CTDSPL2: variants seen among roughly 807,000 people sequenced by gnomAD.
CTDSPL2 encodes the protein CTD small phosphatase-like protein 2.
In CTDSPL2, 5 loss-of-function variants were observed where a neutral mutation model predicts 60.0. The ratio of observed to expected loss-of-function variants is 0.08; its 90% CI spans 0.04 to 0.18. CTDSPL2 has a LOEUF of 0.18. CTDSPL2 is among the 10% of genes least tolerant of loss of function. The probability of loss-of-function intolerance (pLI) is 1.00; values close to 1 mark genes in which losing one functional copy is unlikely to be tolerated. For missense variants in CTDSPL2, 370 were observed against 548.8 expected, an observed-to-expected ratio of 0.67 and a Z score of 3.26; for synonymous variants, 186 against 189.3, an observed-to-expected ratio of 0.98 and a Z score of 0.14.
chr15:44,468,727 T>C lies in CTDSPL2; in HGVS notation c.186+9527T>C, dbSNP rs1435938413. On this transcript the variant is annotated intron_variant, in intron 2 of 12. Coordinates refer to ENST00000260327, the MANE Select transcript of CTDSPL2 (RefSeq NM_016396.3). ...ATGGCTTTGGACACGGGTACAGTAGTTCCCCCCTATCTTTGGTTTTGTGTT... is the reference window on the plus strand; with the variant it reads ...ATGGCTTTGGACACGGGTACAGTAGCTCCCCCCTATCTTTGGTTTTGTGTT... Among the ~76,000 whole-genome samples, 4 of 152,298 alleles carry C rather than the reference T, an allele frequency of 2.6e-5. No individual in the cohort carries two copies. In the South Asian group the frequency reaches 6.2e-4, roughly 24 times the overall value.
intron 1 of CTDSPL2, among the ~76,000 whole-genome samples, chr15:44,454,664 G>A (rs983280181): frequency 6.6e-6 from 1 of 152,014 alleles, no homozygotes; most frequent in Non-Finnish European, 1.5e-5. Flanking sequence ...GTTTTCCCAG[G>A]ACCGTTTATT....
intron 1 of CTDSPL2, among the ~76,000 whole-genome samples, chr15:44,431,713 TTTG>T (rs1291275173): frequency 1.3e-4 from 19 of 144,378 alleles, no homozygotes; most frequent in African/African-American, 4.0e-4. Context: ...TGTTTGTTTG[TTTG>T]TTTTTTTTTT....
In CTDSPL2 at chr15:44,525,313, T is replaced by A. The variant is rs2081855175; in HGVS notation, c.*1139T>A. ...TCCCAAGCCACCAATGCAGTTAATA[T>A]GCTCTCATAGTGGTTTTTCTATGCT... is the stretch of plus-strand genomic sequence containing the variant. On this transcript the variant is annotated 3_prime_UTR_variant, in exon 13 of 13. Transcript: ENST00000260327. The A allele has an allele frequency of 2.5e-6, 1 of 398,320 alleles. No homozygotes were observed. Among genetic ancestry groups the A allele is most frequent in the South Asian group, 1.3e-4 (1 of 7,792 alleles). The allele number at this position is 398,320 out of a possible 1,614,324, so 24.7% of individuals were successfully genotyped here.
intron 8 of CTDSPL2, among the ~76,000 whole-genome samples, chr15:44,511,049 C>G (rs534714028): frequency 1.3e-5 from 2 of 152,136 alleles, no homozygotes; most frequent in African/African-American, 4.8e-5. Context: ...GGCCCTAACC[C>G]CAGCCCAGTA....
At chr15:44,429,376 AT>A (rs1392321345) in intron 1 of CTDSPL2, among the ~76,000 whole-genome samples, 1 of 152,208 alleles carries the variant, frequency 6.6e-6, no homozygotes, top group African/African-American at 2.4e-5. Context: ...ATCTTAAATC[AT>A]TGGTCTAGTG....
intron 8 of CTDSPL2, among the ~76,000 whole-genome samples, chr15:44,500,149 G>T (rs1214157173): frequency 6.6e-6 from 1 of 152,080 alleles, no homozygotes; most frequent in Non-Finnish European, 1.5e-5. Flanking sequence ...TTTTGTTTTT[G>T]TTTTCCAAAA....
At chr15:44,505,080 T>A (rs1236528219) in intron 8 of CTDSPL2, among the ~76,000 whole-genome samples, 1 of 152,152 alleles carries the variant, frequency 6.6e-6, no homozygotes, top group Non-Finnish European at 1.5e-5. Flanking sequence ...TGGAAAAATA[T>A]ATTTTATGGG....
intron 2 of CTDSPL2, among the ~76,000 whole-genome samples, chr15:44,464,480 A>T (rs954865672): frequency 1.3e-5 from 2 of 152,298 alleles, no homozygotes; most frequent in Non-Finnish European, 2.9e-5. Flanking sequence ...TGATACCTGT[A>T]TTATTTCTCC....
intron 2 of CTDSPL2, among the ~76,000 whole-genome samples, chr15:44,464,142 TGG>T (rs1339386268): frequency 6.6e-6 from 1 of 152,174 alleles, no homozygotes; most frequent in Non-Finnish European, 1.5e-5. Context: ...CCCGAGTAGC[TGG>T]GACTACAGGC....
chr15:44,455,735 G>T, intron 1 of CTDSPL2, among the ~76,000 whole-genome samples: 1 of 151,606 alleles, frequency 6.6e-6, no homozygotes, highest in Admixed American at 6.6e-5. Context: ...ATTGATTTGC[G>T]TATGTTGAAC....
intron 8 of CTDSPL2, among the ~76,000 whole-genome samples, chr15:44,508,758 T>C (rs2081516116): frequency 6.6e-6 from 1 of 151,998 alleles, no homozygotes; most frequent in Non-Finnish European, 1.5e-5. Context: ...CTGTGTCTAC[T>C]AAAAATACAA....
chr15:44,457,991 T>A (rs1233881458), intron 1 of CTDSPL2, among the ~76,000 whole-genome samples: 1 of 152,256 alleles, frequency 6.6e-6, no homozygotes, highest in African/African-American at 2.4e-5. Context: ...TTTCTGAGAC[T>A]CTAATCTTTG....
intron 1 of CTDSPL2, among the ~76,000 whole-genome samples, chr15:44,437,923 G>A (rs1394388089): frequency 6.6e-6 from 1 of 152,198 alleles, no homozygotes; most frequent in African/African-American, 2.4e-5. Flanking sequence ...GCAGAAGCAT[G>A]TATAGAGCAC....
intron 2 of CTDSPL2, among the ~76,000 whole-genome samples, chr15:44,477,989 C>T (rs936511066): frequency 6.6e-6 from 1 of 152,208 alleles, no homozygotes; most frequent in Non-Finnish European, 1.5e-5. Context: ...CACCAATTTT[C>T]TTAGTTTTAT....
chr15:44,447,998 G>T, intron 1 of CTDSPL2: 1 of 211,772 alleles, frequency 4.7e-6, no homozygotes, highest in Non-Finnish European at 9.8e-6. Flanking sequence ...TCTCCAGACT[G>T]TTGGCACCCG....
chr15:44,467,640 C>T (rs1288934841), intron 2 of CTDSPL2, among the ~76,000 whole-genome samples: 2 of 152,114 alleles, frequency 1.3e-5, no homozygotes, highest in African/African-American at 2.4e-5. Context: ...GTGGTGCGAT[C>T]TCAGCTCACC....
chr15:44,434,322 C>T (rs1363869986), intron 1 of CTDSPL2, among the ~76,000 whole-genome samples: 3 of 152,166 alleles, frequency 2.0e-5, no homozygotes, highest in Non-Finnish European at 2.9e-5. Flanking sequence ...ATTGCTTGAA[C>T]CTGGGAGGAG....
intron 1 of CTDSPL2, chr15:44,448,658 TA>T: frequency 3.0e-6 from 1 of 329,256 alleles, no homozygotes. Flanking sequence ...CATTTTATTC[TA>T]AATCCATGCC....
intron 1 of CTDSPL2, among the ~76,000 whole-genome samples, chr15:44,455,874 CGGA>C (rs1352897112): frequency 6.5e-5 from 6 of 91,822 alleles, no homozygotes; most frequent in African/African-American, 2.2e-4. Context: ...TTTTTTGAGA[CGGA>C]GTCTCGCTGT....
Sources: allele counts gnomAD v4.1 joint callset (sites outside exome capture counted in the v4.1 genomes callset), GRCh38; gene constraint gnomAD v4.1.1; transcripts MANE v1.5; gene names NCBI Gene and HGNC (gene_info 2026-07-23, HGNC 2026-07-21).